Variants in RBFOX1 observed in about 807,000 individuals in gnomAD.
RBFOX1 encodes RNA binding protein fox-1 homolog 1.
In RBFOX1, 8 loss-of-function variants were observed where a neutral mutation model predicts 57.7. The ratio of observed to expected loss-of-function variants is 0.14; its 90% CI spans 0.08 to 0.25. The LOEUF (loss-of-function observed/expected upper bound fraction) is 0.25. Ranked by LOEUF, RBFOX1 falls within the 10% of genes least tolerant of loss-of-function variation. RBFOX1 has a pLI of 1.00. For missense variants in RBFOX1, 611 were observed against 548.5 expected (o/e 1.11, Z -1.14); for synonymous variants, 326 against 222.4 (o/e 1.47, Z -4.15).
At chr16:7,327,824 T>C (rs565169894) in intron 4 of RBFOX1, among the ~76,000 whole-genome samples, 2 of 149,854 alleles carry the variant, frequency 1.3e-5, no homozygotes, top group South Asian at 2.1e-4. Context: ...TTTTTTTTTT[T>C]ACACTGTGCA....
At chr16:7,100,739 A>G (rs892072544) in intron 4 of RBFOX1, among the ~76,000 whole-genome samples, 5 of 151,970 alleles carry the variant, frequency 3.3e-5, no homozygotes, top group Admixed American at 2.0e-4. Context: ...GAGGACTCAG[A>G]GGGGGAAAAA....
At chr16:6,572,813 C>G (rs1003853090) in intron 2 of RBFOX1, among the ~76,000 whole-genome samples, 2 of 152,078 alleles carry the variant, frequency 1.3e-5, no homozygotes, top group Admixed American at 6.6e-5. Context: ...ACGCTGGCCT[C>G]GAACTCCTGA....
chr16:7,452,879 A>G (rs2057654084), intron 4 of RBFOX1, among the ~76,000 whole-genome samples: 1 of 152,294 alleles, frequency 6.6e-6, no homozygotes, highest in East Asian at 1.9e-4. Context: ...CCAGAATCCC[A>G]GCATTTTGGG....
intron 3 of RBFOX1, among the ~76,000 whole-genome samples, chr16:5,703,110 C>T (rs758597010): frequency 1.3e-5 from 2 of 152,210 alleles, no homozygotes; most frequent in South Asian, 2.1e-4. Context: ...GGTCTTTGCC[C>T]ACATGGCATT....
At chr16:6,193,409 T>TATATA (rs1567651554) in intron 1 of RBFOX1, among the ~76,000 whole-genome samples, 6 of 72,622 alleles carry the variant, frequency 8.3e-5, no homozygotes, top group African/African-American at 1.4e-4. Context: ...TATATATATA[T>TATATA]ATATATATAT....
chr16:7,153,467 TG>T (rs1555514315), intron 4 of RBFOX1, among the ~76,000 whole-genome samples: 3 of 152,054 alleles, frequency 2.0e-5, no homozygotes, highest in Non-Finnish European at 4.4e-5. Flanking sequence ...CCGGGCAAGG[TG>T]GCTCACGTCT....
chr16:6,015,407 G>A (rs1405099957), upstream of RBFOX1, among the ~76,000 whole-genome samples: 1 of 152,148 alleles, frequency 6.6e-6, no homozygotes, highest in African/African-American at 2.4e-5. Flanking sequence ...CAGAGCACTG[G>A]CAGTGGAAAT....
chr16:6,616,641 C>T (rs551215796), intron 2 of RBFOX1, among the ~76,000 whole-genome samples: 1 of 152,218 alleles, frequency 6.6e-6, no homozygotes, highest in African/African-American at 2.4e-5. Context: ...TGCCACTGCA[C>T]TCCAGCCTGG....
chr16:6,718,921 G>A (rs1187414979), intron 3 of RBFOX1, among the ~76,000 whole-genome samples: 1 of 151,982 alleles, frequency 6.6e-6, no homozygotes, highest in Admixed American at 6.6e-5. Context: ...GGAGTGCAGT[G>A]GCATGATCTC....
intron 3 of RBFOX1, among the ~76,000 whole-genome samples, chr16:6,732,960 A>G (rs1251957578): frequency 6.6e-6 from 1 of 152,240 alleles, no homozygotes; most frequent in East Asian, 1.9e-4. Context: ...AGCTACTTTT[A>G]CACATTTATT....
intron 4 of RBFOX1, among the ~76,000 whole-genome samples, chr16:5,962,392 G>C (rs2059767516): frequency 6.6e-6 from 1 of 152,102 alleles, no homozygotes. Context: ...GAAGCACTCA[G>C]GGGACCTTCT....
intron 3 of RBFOX1, among the ~76,000 whole-genome samples, chr16:6,897,997 C>T (rs1415236264): frequency 1.3e-5 from 2 of 152,270 alleles, no homozygotes; most frequent in East Asian, 3.9e-4. Flanking sequence ...TGCTAAACTA[C>T]AGGCTCCACA....
intron 3 of RBFOX1, among the ~76,000 whole-genome samples, chr16:5,774,802 C>A (rs1461383839): frequency 3.3e-5 from 5 of 152,154 alleles, no homozygotes; most frequent in Non-Finnish European, 7.3e-5. Flanking sequence ...CCTGCCTCAG[C>A]CTACCAAGTA....
chr16:7,304,204 G>A, intron 4 of RBFOX1: 7 of 892,262 alleles, frequency 7.8e-6, no homozygotes, highest in Non-Finnish European at 9.1e-6. Context: ...GAGAGAGACA[G>A]AGAGAGAGAC....
intron 1 of RBFOX1, among the ~76,000 whole-genome samples, chr16:5,257,056 G>C (rs1289504831): frequency 6.6e-6 from 1 of 152,126 alleles, no homozygotes; most frequent in African/African-American, 2.4e-5. Context: ...GTGGAAACCA[G>C]ACCAGGACTC....
chr16:7,024,285 A>G (rs1005238800), intron 3 of RBFOX1, among the ~76,000 whole-genome samples: 2 of 152,162 alleles, frequency 1.3e-5, no homozygotes, highest in African/African-American at 2.4e-5. Flanking sequence ...GACAAAGACT[A>G]CCATGGAGAG....
intron 4 of RBFOX1, among the ~76,000 whole-genome samples, chr16:7,354,624 A>T (rs908854305): frequency 2.0e-5 from 3 of 152,196 alleles, no homozygotes; most frequent in African/African-American, 7.2e-5. Flanking sequence ...TACCGTGCCC[A>T]ATTTTTGTTA....
chr16:6,852,978 C>T (rs2094150561), intron 3 of RBFOX1, among the ~76,000 whole-genome samples: 1 of 152,118 alleles, frequency 6.6e-6, no homozygotes, highest in South Asian at 2.1e-4. Flanking sequence ...CCATGTGAGC[C>T]CAGCACCCTA....
chr16:6,483,665 C>G (rs1329472853), intron 2 of RBFOX1: 2 of 1,197,778 alleles, frequency 1.7e-6, no homozygotes, highest in Non-Finnish European at 1.1e-6. Context: ...CCCACTGACT[C>G]CGCGGGAGGG....
Sources: allele counts gnomAD v4.1 joint callset (sites outside exome capture counted in the v4.1 genomes callset), GRCh38; gene constraint gnomAD v4.1.1; transcripts MANE v1.5; gene names NCBI Gene and HGNC (gene_info 2026-07-23, HGNC 2026-07-21).